SHISA6: variants seen among roughly 807,000 people sequenced by gnomAD.
SHISA6 encodes protein shisa-6.
In SHISA6, 22 loss-of-function variants were observed where a neutral mutation model predicts 47.9. That is an observed-to-expected ratio of 0.46 (90% CI 0.33 to 0.66). The LOEUF is 0.66. Among genes scored for constraint, SHISA6 ranks in the 30% least tolerant of loss-of-function variants. The probability of loss-of-function intolerance (pLI) is 0.02; values close to 1 mark genes in which losing one functional copy is unlikely to be tolerated. For synonymous variants in SHISA6, 388 were observed against 337.8 expected, an observed-to-expected ratio of 1.15 and a Z score of -1.63; for missense variants, 680 against 764.6, an observed-to-expected ratio of 0.89 and a Z score of 1.30.
chr17:11,522,455 A>C (rs562801496), intron 3 of SHISA6, among the ~76,000 whole-genome samples: 1 of 152,064 alleles, frequency 6.6e-6, no homozygotes, highest in Non-Finnish European at 1.5e-5. Flanking sequence ...TTGTATAGAG[A>C]AGTTGTAGTT....
chr17:11,269,849 C>T (rs1039870499), intron 2 of SHISA6, among the ~76,000 whole-genome samples: 3 of 152,170 alleles, frequency 2.0e-5, no homozygotes, highest in Admixed American at 2.0e-4. Context: ...ATAAAGCAAT[C>T]GAAGCGCATC....
chr17:11,342,104 C>T (rs1424994243), intron 2 of SHISA6, among the ~76,000 whole-genome samples: 1 of 152,028 alleles, frequency 6.6e-6, no homozygotes, highest in African/African-American at 2.4e-5. Flanking sequence ...TGAAATGGAG[C>T]GGGGTGATGG....
intron 2 of SHISA6, among the ~76,000 whole-genome samples, chr17:11,297,132 G>A (rs1243247386): frequency 1.3e-5 from 2 of 152,108 alleles, no homozygotes; most frequent in African/African-American, 4.8e-5. Context: ...GGGGCATATG[G>A]AATCAAGAAC....
At chr17:11,289,357 A>G (rs907337792) in intron 2 of SHISA6, 1 of 151,918 alleles carries the variant, frequency 6.6e-6, no homozygotes, top group Non-Finnish European at 1.5e-5. Context: ...TATTTTCATG[A>G]GTTAAACTGT....
chr17:11,403,195 T>C (rs191462123), intron 3 of SHISA6, among the ~76,000 whole-genome samples: 1 of 152,328 alleles, frequency 6.6e-6, no homozygotes, highest in Admixed American at 6.5e-5. Flanking sequence ...TTCCAATAAA[T>C]GTACATGATT....
At position 11,468,718 on chromosome 17, in the gene SHISA6, C is replaced by T. The variant is rs116942971; in HGVS notation, c.896-83178C>T. Among the ~76,000 whole-genome samples, 476 of 152,198 alleles carry T rather than the reference C, an allele frequency of 3.1e-3. 3 individuals are homozygous for T. In the Middle Eastern group the frequency reaches 0.034, roughly 11 times the overall value. ...CTGGGTGCAACGGCTTCTACCATTT[C>T]CTTAGAAGATAAGTCTTTTGGGCCT... is the stretch of plus-strand genomic sequence containing the variant. On this transcript the variant is annotated intron_variant, in intron 3 of 5. Transcript: ENST00000441885.
chr17:11,293,954 C>T (rs1173276472), intron 2 of SHISA6, among the ~76,000 whole-genome samples: 1 of 152,106 alleles, frequency 6.6e-6, no homozygotes, highest in Non-Finnish European at 1.5e-5. Flanking sequence ...GGCACAATCT[C>T]GGCTCACTGC....
intron 3 of SHISA6, among the ~76,000 whole-genome samples, chr17:11,471,076 G>T (rs913596820): frequency 1.3e-5 from 2 of 152,082 alleles, no homozygotes; most frequent in African/African-American, 4.8e-5. Flanking sequence ...GGGCGTGGTG[G>T]CGCATGCCTG....
At chr17:11,433,847 A>AGGGGC (rs1914860342) in intron 3 of SHISA6, among the ~76,000 whole-genome samples, 1 of 152,092 alleles carries the variant, frequency 6.6e-6, no homozygotes, top group Non-Finnish European at 1.5e-5. Flanking sequence ...CCAGGAGAGC[A>AGGGGC]TCCTAGGGAC....
chr17:11,502,147 C>T (rs962517911), intron 3 of SHISA6, among the ~76,000 whole-genome samples: 9 of 152,142 alleles, frequency 5.9e-5, no homozygotes, highest in African/African-American at 2.2e-4. Flanking sequence ...CGGTGGCTCA[C>T]GCCTGTAATC....
At position 11,241,499 on chromosome 17, in the gene SHISA6, C is replaced by T. The variant is rs1907324690; in HGVS notation, c.77C>T (p.Ala26Val). 1.7e-6 allele frequency: 2 copies of T among 1,160,448 alleles called. No individual in the cohort carries two copies. Among genetic ancestry groups the T allele is most frequent in the Admixed American group, 4.1e-5 (1 of 24,684 alleles). The allele number at this position is 1,160,448 out of a possible 1,614,324, so 71.9% of individuals were successfully genotyped here. Residue 26 changes from alanine to valine, a missense_variant, in exon 1 of 6, where the codon GCC becomes GTC. Ala to Val is a moderately conservative substitution (Grantham distance 64). Around this residue, in one of 2 missense-constraint regions of SHISA6, gnomAD observed 121 missense variants for 90.5 expected, o/e 1.34. Coordinates refer to ENST00000441885, the MANE Select transcript of SHISA6 (RefSeq NM_207386.4). This position sits in a 1 kb window ranked among gnomAD's most constrained non-coding sequence, Gnocchi z 5.5. ...SLDLLPSVHG[A>V]RGRAANRTLS... ...GACCTGCTGCCCAGCGTCCACGGAG[C>T]CCGCGGCCGCGCCGCCAACCGGACC...
At chr17:11,431,731 T>C (rs1914782276) in intron 3 of SHISA6, among the ~76,000 whole-genome samples, 1 of 152,306 alleles carries the variant, frequency 6.6e-6, no homozygotes, top group South Asian at 2.1e-4. Flanking sequence ...TTATTCAGTC[T>C]ACAAACACAC....
At chr17:11,289,771 T>C (rs1468307726) in intron 2 of SHISA6, 2 of 152,116 alleles carry the variant, frequency 1.3e-5, no homozygotes, top group African/African-American at 4.8e-5. Context: ...ATAGCTCTTC[T>C]GGATCAGTGA....
At chr17:11,463,288 A>G (rs772748151) in intron 3 of SHISA6, among the ~76,000 whole-genome samples, 4 of 152,254 alleles carry the variant, frequency 2.6e-5, no homozygotes, top group Non-Finnish European at 5.9e-5. Flanking sequence ...CAGATTTGGC[A>G]TATAGCCAGC....
chr17:11,320,068 T>C (rs1281644162), intron 2 of SHISA6, among the ~76,000 whole-genome samples: 3 of 152,238 alleles, frequency 2.0e-5, no homozygotes, highest in Non-Finnish European at 4.4e-5. Context: ...TAGTAAATAC[T>C]TCATGTTTAA....
At chr17:11,450,347 A>ATTCAAT (rs202119663) in intron 3 of SHISA6, among the ~76,000 whole-genome samples, 2,080 of 152,224 alleles carry the variant, frequency 0.014, 39 homozygotes, top group African/African-American at 0.046. Flanking sequence ...TGGAGGCAGA[A>ATTCAAT]TTCAATTCGT....
intron 2 of SHISA6, among the ~76,000 whole-genome samples, chr17:11,358,550 A>G (rs1248404534): frequency 5.9e-5 from 9 of 151,814 alleles, no homozygotes; most frequent in African/African-American, 7.3e-5. Flanking sequence ...TAGTAGAGAC[A>G]GGGTTTCACC....
Position 11,464,164 on chromosome 17 carries a change from G to T in SHISA6, c.895+84655G>T, listed in dbSNP as rs189537973. Among the ~76,000 whole-genome samples, 551 of 152,212 alleles carry T rather than the reference G, an allele frequency of 3.6e-3. 7 individuals are homozygous for T. Among genetic ancestry groups the T allele is most frequent in the African/African-American group, 0.013 (527 of 41,512 alleles). On this transcript the variant is annotated intron_variant, in intron 3 of 5. Coordinates refer to ENST00000441885, the MANE Select transcript of SHISA6 (RefSeq NM_207386.4). ...ACTCCTGGGCTCAAACTGTCCTCCT[G>T]CCTCGGCCTCCCAAAGTACTGGGAT...
intron 1 of SHISA6, among the ~76,000 whole-genome samples, chr17:11,263,059 G>A (rs959510510): frequency 6.6e-6 from 1 of 152,158 alleles, no homozygotes; most frequent in African/African-American, 2.4e-5. Context: ...ATAGATACCT[G>A]CCTGGCATAG....
Sources: gnomAD v4.1 joint callset for allele counts (sites outside exome capture counted in the v4.1 genomes callset) on GRCh38, gnomAD v4.1.1 for gene constraint, gnomAD v4.1.1 regional missense constraint, Gnocchi (gnomAD v3.1) non-coding constraint, MANE v1.5 for transcripts, NCBI Gene and HGNC (gene_info 2026-07-23, HGNC 2026-07-21) for gene names.